DENND1A: variants seen among roughly 807,000 people sequenced by gnomAD.
DENND1A encodes DENN domain-containing protein 1A.
DENND1A carries 51 observed loss-of-function variants against 113.7 expected under a neutral mutation model. The ratio of observed to expected loss-of-function variants is 0.45; its 90% CI spans 0.36 to 0.57. The LOEUF (loss-of-function observed/expected upper bound fraction) is 0.57, where lower values mean the gene tolerates loss of function less well. DENND1A is among the 20% of genes least tolerant of loss of function. The pLI is 0.00. For missense variants in DENND1A, 1,258 were observed against 1,395.9 expected (o/e 0.90, Z 1.57); for synonymous variants, 565 against 570.8 (o/e 0.99, Z 0.14).
intron 18 of DENND1A, among the ~76,000 whole-genome samples, chr9:123,447,677 T>C (rs1310237538): frequency 6.6e-6 from 1 of 152,052 alleles, no homozygotes; most frequent in African/African-American, 2.4e-5. Context: ...TGTTGGAAAC[T>C]GCCTCGATTT....
At chr9:123,884,420 A>G (rs528234447) in intron 1 of DENND1A, among the ~76,000 whole-genome samples, 1 of 152,254 alleles carries the variant, frequency 6.6e-6, no homozygotes, top group African/African-American at 2.4e-5. Flanking sequence ...AGATATTACC[A>G]TGGAAATGTC....
chr9:123,394,272 G>C (rs1294191727), intron 21 of DENND1A, among the ~76,000 whole-genome samples: 1 of 152,178 alleles, frequency 6.6e-6, no homozygotes, highest in Non-Finnish European at 1.5e-5. Flanking sequence ...CGCCTGGCCA[G>C]AGCTGGACTT....
At chr9:123,419,376 C>T (rs1564453179) in intron 19 of DENND1A, among the ~76,000 whole-genome samples, 1 of 152,256 alleles carries the variant, frequency 6.6e-6, no homozygotes, top group Non-Finnish European at 1.5e-5. Context: ...GGCCTGGCCC[C>T]AGAGGGGGAA....
At chr9:123,739,819 A>T (rs183500586) in intron 5 of DENND1A, among the ~76,000 whole-genome samples, 21 of 152,218 alleles carry the variant, frequency 1.4e-4, no homozygotes, top group African/African-American at 4.8e-4. Flanking sequence ...AAGGGAATAT[A>T]TTCCAGTAAA....
chr9:123,402,387 C>G, intron 21 of DENND1A: 1 of 403,928 alleles, frequency 2.5e-6, no homozygotes, highest in South Asian at 1.9e-5. Flanking sequence ...AAGTGAACTG[C>G]AACTTGGGTT....
chr9:123,928,497 C>CT, intron 1 of DENND1A: 1 of 944,656 alleles, frequency 1.1e-6, no homozygotes, highest in Non-Finnish European at 1.3e-6. Flanking sequence ...TCCCAAGCCT[C>CT]TCAAGCTCTT....
At chr9:123,875,133 A>C (rs1239841456) in intron 2 of DENND1A, among the ~76,000 whole-genome samples, 3 of 152,248 alleles carry the variant, frequency 2.0e-5, no homozygotes, top group Admixed American at 1.3e-4. Flanking sequence ...AGCTACATAC[A>C]GAATAATTCC....
chr9:123,457,964 T>A, intron 13 of DENND1A, 67 bp from the exon 14 acceptor site: 1 of 1,260,624 alleles, frequency 7.9e-7, no homozygotes, highest in Non-Finnish European at 1.1e-6. Flanking sequence ...TTGAAATTCC[T>A]ATTTGCAGAG....
At chr9:123,771,255 ATGT>A (rs1418918448) in intron 3 of DENND1A, among the ~76,000 whole-genome samples, 2 of 152,184 alleles carry the variant, frequency 1.3e-5, no homozygotes, top group African/African-American at 4.8e-5. Context: ...TCAGTGCATA[ATGT>A]TATTATCAGG....
intron 13 of DENND1A, among the ~76,000 whole-genome samples, chr9:123,462,345 C>G (rs962356619): frequency 2.6e-5 from 4 of 152,236 alleles, no homozygotes; most frequent in African/African-American, 9.6e-5. Context: ...GCCCAGGTGA[C>G]AGGATTCAGA....
chr9:123,401,635 G>A (rs1471968245), intron 21 of DENND1A: 1 of 1,442,150 alleles, frequency 6.9e-7, no homozygotes, highest in Non-Finnish European at 9.1e-7. Context: ...TTTTCCAACA[G>A]AAGTAGAAAA....
At chr9:123,520,956 C>G (rs1185059945) in intron 13 of DENND1A, among the ~76,000 whole-genome samples, 6 of 152,194 alleles carry the variant, frequency 3.9e-5, no homozygotes, top group African/African-American at 4.8e-5. Context: ...TTTCTTTTCC[C>G]TCTCACCTTT....
At chr9:123,687,148 A>G (rs558870035) in intron 5 of DENND1A, among the ~76,000 whole-genome samples, 1 of 152,304 alleles carries the variant, frequency 6.6e-6, no homozygotes, top group Non-Finnish European at 1.5e-5. Context: ...GGGCACACAG[A>G]GAAAGTAGGA....
At chr9:123,567,251 G>T (rs770826044) in intron 12 of DENND1A, among the ~76,000 whole-genome samples, 1 of 152,200 alleles carries the variant, frequency 6.6e-6, no homozygotes, top group Non-Finnish European at 1.5e-5. Context: ...GTTCAGTAAA[G>T]GTGCTCATGG....
In DENND1A at chr9:123,886,432, G is replaced by A. The variant is rs927673154; in HGVS notation, c.18-7411C>T. ...TATTAGGACCCCTTACTCATTTCAC[G>A]GTCTTCAAAACTTCAAACCAGCTTC... On this transcript the variant is annotated intron_variant, in intron 1 of 23. Coordinates refer to ENST00000394215, the MANE Select transcript of DENND1A (RefSeq NM_001352964.2). Among the ~76,000 whole-genome samples the A allele has an allele frequency of 3.9e-5, 6 of 152,050 alleles. No individual in the cohort carries two copies. The East Asian group carries it at 1.2e-3, about 29-fold the overall frequency.
intron 1 of DENND1A, among the ~76,000 whole-genome samples, chr9:123,890,042 G>A (rs1036745378): frequency 1.6e-4 from 25 of 152,098 alleles, no homozygotes; most frequent in Non-Finnish European, 3.4e-4. Context: ...GTAATAAAGT[G>A]AACATCTGTA....
intron 1 of DENND1A, among the ~76,000 whole-genome samples, chr9:123,902,802 G>A (rs1851902877): frequency 7.1e-6 from 1 of 140,148 alleles, no homozygotes. Context: ...AGTAACAACA[G>A]CTGTTTTTTT....
chr9:123,491,034 A>G (rs934068816), intron 13 of DENND1A, among the ~76,000 whole-genome samples: 1 of 152,238 alleles, frequency 6.6e-6, no homozygotes, highest in African/African-American at 2.4e-5. Flanking sequence ...CCTGGCTAAG[A>G]CTATCTGAAG....
At chr9:123,630,176 G>A (rs1323668681) in intron 10 of DENND1A, among the ~76,000 whole-genome samples, 200 bp downstream of exon 10, 2 of 150,144 alleles carry the variant, frequency 1.3e-5, no homozygotes, top group African/African-American at 4.9e-5. Context: ...GAGTAGCTGG[G>A]ACTACAGATA....
Sources: gnomAD v4.1 joint callset for allele counts (sites outside exome capture counted in the v4.1 genomes callset) on GRCh38, gnomAD v4.1.1 for gene constraint, MANE v1.5 for transcripts, NCBI Gene and HGNC (gene_info 2026-07-23, HGNC 2026-07-21) for gene names.